Variants in OBSL1 observed in about 807,000 individuals in gnomAD.
The protein encoded by OBSL1 is obscurin like cytoskeletal adaptor 1, also known as obscurin-like protein 1.
A neutral mutation model predicts 172.0 loss-of-function variants in OBSL1; 160 were observed. The observed-to-expected ratio is 0.93, with a 90% CI of 0.82 to 1.06. The LOEUF is 1.06. Among genes scored for constraint, OBSL1 ranks in the 50% least tolerant of loss-of-function variants. The probability of loss-of-function intolerance (pLI) is 0.00; values close to 1 mark genes in which losing one functional copy is unlikely to be tolerated. For synonymous variants in OBSL1, 1,200 were observed against 1,196.3 expected, an observed-to-expected ratio of 1.00 and a Z score of -0.06; for missense variants, 2,681 against 2,715.4, an observed-to-expected ratio of 0.99 and a Z score of 0.28.
chr2:219,559,526 C>T, intron 8 of OBSL1, 29 bp from the exon 9 acceptor site: 1 of 1,593,430 alleles, frequency 6.3e-7, no homozygotes, highest in Non-Finnish European at 8.6e-7. Context: ...CACAGCCTGT[C>T]ACAAGCTCAC....
At chr2:219,557,725 G>A in intron 11 of OBSL1, 98 bp downstream of exon 11, 1 of 1,536,004 alleles carries the variant, frequency 6.5e-7, no homozygotes, top group East Asian at 2.3e-5. Flanking sequence ...GGCCAGGGAT[G>A]GGCAAGGCAT....
Position 219,568,386 on chromosome 2 carries a change from A to G in OBSL1, c.1013-62T>C, listed in dbSNP as rs1697089907. 1 of 1,486,628 alleles carries G rather than the reference A, an allele frequency of 6.7e-7. No homozygotes were observed. Among genetic ancestry groups the G allele is most frequent in the African/African-American group, 1.4e-5 (1 of 72,120 alleles). The allele number at this position is 1,486,628 out of a possible 1,614,324, so 92.1% of individuals were successfully genotyped here. A position where few individuals can be genotyped will look rare whatever the true frequency, so the allele number is the denominator to read the frequency against. Reference sequence around the variant, plus strand: ...GGAGAAGGCCCAGACTAGGAGTAGGATACCTAGAAGCGCATTAGCTCATGC... The same window carrying G: ...GGAGAAGGCCCAGACTAGGAGTAGGGTACCTAGAAGCGCATTAGCTCATGC... On this transcript the variant is annotated intron_variant, in intron 1 of 20. Transcript: ENST00000404537. The surrounding 1 kb of genome is among the most constrained non-coding windows in gnomAD (Gnocchi z 4.1).
Position 219,570,807 on chromosome 2 carries a change from C to A in OBSL1, c.426G>T (p.Gly142=), listed in dbSNP as rs764783588. 3.9e-5 allele frequency: 58 copies of A among 1,491,658 alleles called. 1 individual carries two copies. In the South Asian group the frequency reaches 7.1e-4, roughly 18 times the overall value. 92.4% of individuals were successfully genotyped at this position (1,491,658 alleles called of 1,614,324 possible). A position where few individuals can be genotyped will look rare whatever the true frequency, so the allele number is the denominator to read the frequency against. ...CCCGGCACGTCAGCACCACCTCCGCCCCCCGCAGCACCCACTGGGATCGAG... is the reference window on the plus strand; with the variant it reads ...CCCGGCACGTCAGCACCACCTCCGCACCCCGCAGCACCCACTGGGATCGAG... ...TGPRSQWVLR[G]AEVVLTCRAG... The change falls in exon 1 of 21, where the codon GGG becomes GGT. Residue 142 remains glycine, a synonymous_variant. Transcript: ENST00000404537.
At chr2:219,562,793 G>C in intron 7 of OBSL1, 119 bp from the exon 8 acceptor site, 6 of 1,084,412 alleles carry the variant, frequency 5.5e-6, no homozygotes, top group Non-Finnish European at 7.8e-6. Flanking sequence ...ACCTTCCTGA[G>C]ACCAAATCTC....
chr2:219,569,447 G>T (rs1249074987), intron 1 of OBSL1: 1 of 152,168 alleles, frequency 6.6e-6, no homozygotes, highest in Non-Finnish European at 1.5e-5. Context: ...TTACCTTCTG[G>T]TGAGTTTGGG....
intron 15 of OBSL1, 26 bp from the exon 16 acceptor site, chr2:219,553,712 G>C: frequency 6.5e-7 from 1 of 1,538,786 alleles, no homozygotes; most frequent in Non-Finnish European, 9.0e-7. Flanking sequence ...GGAGGACAGT[G>C]CAGAGGGAGC....
intron 14 of OBSL1, 164 bp downstream of exon 14, chr2:219,555,856 G>A: frequency 7.0e-7 from 1 of 1,430,934 alleles, no homozygotes; most frequent in Non-Finnish European, 9.2e-7. Flanking sequence ...AAAAATATTA[G>A]AAAAAGAAAA....
intron 5 of OBSL1, 108 bp from the exon 6 acceptor site, chr2:219,565,622 T>C: frequency 9.0e-7 from 1 of 1,110,642 alleles, no homozygotes; most frequent in South Asian, 1.5e-5. Flanking sequence ...AAAAATAGGC[T>C]TAGGCTTCCA....
In OBSL1 at chr2:219,556,041, G is replaced by A. The variant is rs201893489; in HGVS notation, c.4588C>T (p.Leu1530=). The change falls in exon 14 of 21, where the codon CTG becomes TTG. Residue 1530 remains leucine, a synonymous_variant. Coordinates refer to ENST00000404537, the MANE Select transcript of OBSL1 (RefSeq NM_015311.3). ...YGCESHHDRT[L]ARLSVRPRQL... ...TCACGCCTCACGCTGAGCCTGGCCA[G>A]GGTGCGATCGTGGTGGCTCTCGCAG... 822 of 1,613,638 alleles carry A rather than the reference G, an allele frequency of 5.1e-4. 6 individuals carry two copies. Among genetic ancestry groups the A allele is most frequent in the Middle Eastern group, 4.9e-3 (30 of 6,062 alleles).
chr2:219,551,340 G>C, intron 20 of OBSL1, 189 bp downstream of exon 20: 1 of 1,411,448 alleles, frequency 7.1e-7, no homozygotes, highest in South Asian at 1.6e-5. Context: ...CAGCTGATCT[G>C]AGCCAAGCAG....
chr2:219,565,595 C>A, intron 5 of OBSL1, 81 bp from the exon 6 acceptor site: 1 of 1,415,656 alleles, frequency 7.1e-7, no homozygotes, highest in Non-Finnish European at 9.7e-7. Context: ...GGAACAACTG[C>A]TGTTGTTGGG....
chr2:219,555,679 C>T, intron 14 of OBSL1: 1 of 1,111,522 alleles, frequency 9.0e-7, no homozygotes, highest in African/African-American at 1.6e-5. Flanking sequence ...GTGTGGGGTG[C>T]TGTTTGACAG....
In OBSL1 at chr2:219,567,980, G is replaced by A. The variant is rs748813895; in HGVS notation, c.1283-11C>T. ...GCTTCAGGATGGGCCCTGAGATGCG[G>A]ACAGGAATCCATCAACCTGGAATCT... On this transcript the variant is annotated splice_polypyrimidine_tract_variant and intron_variant, in intron 2 of 20. Transcript: ENST00000404537. The A allele has an allele frequency of 1.9e-6, 3 of 1,612,390 alleles. No homozygotes were observed. Among genetic ancestry groups the A allele is most frequent in the Admixed American group, 1.7e-5 (1 of 60,000 alleles).
At position 219,570,932 on chromosome 2, in the gene OBSL1, C is replaced by T. The variant is rs1697306176; in HGVS notation, c.301G>A (p.Val101Met). 1 of 1,283,588 alleles carries T rather than the reference C, an allele frequency of 7.8e-7. No homozygotes were observed. The highest frequency in any genetic ancestry group is 4.2e-5 in the Admixed American group (1 of 23,686). The allele number at this position is 1,283,588 out of a possible 1,614,324, so 79.5% of individuals were successfully genotyped here. A position where few individuals can be genotyped will look rare whatever the true frequency, so the allele number is the denominator to read the frequency against. Residue 101 changes from valine (V) to methionine (M), a missense_variant, in exon 1 of 21, where the codon GTG (valine) becomes ATG (methionine). This residue lies in a region of OBSL1 where 67 missense variants were observed against 109.3 expected (regional missense o/e 0.61). Transcript: ENST00000404537. Reference protein sequence around the residue: ...GEAYAAAAVTVLEPPASDPEL... With the variant: ...GEAYAAAAVTMLEPPASDPEL... ...GGGTCGGAGGCCGGCGGCTCCAGCACGGTGACGGCGGCCGCCGCGTAGGCC... is the reference window on the plus strand; with the variant it reads ...GGGTCGGAGGCCGGCGGCTCCAGCATGGTGACGGCGGCCGCCGCGTAGGCC...
At position 219,568,329 on chromosome 2, in the gene OBSL1, GGA is replaced by G; in HGVS notation, c.1013-7_1013-6del. The G allele has an allele frequency of 1.3e-6, 2 of 1,596,610 alleles. No individual in the cohort carries two copies. The highest frequency in any genetic ancestry group is 2.3e-5 in the East Asian group (1 of 44,370). On this transcript the variant is annotated splice_polypyrimidine_tract_variant and splice_region_variant and intron_variant, in intron 1 of 20. Coordinates refer to ENST00000404537, the MANE Select transcript of OBSL1 (RefSeq NM_015311.3). The surrounding 1 kb of genome is among the most constrained non-coding windows in gnomAD (Gnocchi z 4.1). ...GTGTGAACCGGAGGCGGGGCTCTGTGGAGAGGGGAGAGAGAGACAAGAGAGGG... is the reference window on the plus strand; with the variant it reads ...GTGTGAACCGGAGGCGGGGCTCTGTGGAGGGGAGAGAGAGACAAGAGAGGG...
At position 219,571,407 on chromosome 2, in the gene OBSL1, C is replaced by A; in HGVS notation, c.-175G>T. ...TCGCCTCCTTACCCTCGGCCCCGAG[C>A]TGCAGCTCTGCGGCGGCGGCGGCGG... is the stretch of plus-strand genomic sequence containing the variant. On this transcript the variant is annotated 5_prime_UTR_variant, in exon 1 of 21. Coordinates refer to ENST00000404537, the MANE Select transcript of OBSL1 (RefSeq NM_015311.3). The A allele has an allele frequency of 2.8e-6, 1 of 358,758 alleles. No individual in the cohort carries two copies. Among genetic ancestry groups the A allele is most frequent in the Non-Finnish European group, 4.8e-6 (1 of 206,460 alleles). 22.2% of individuals were successfully genotyped at this position (358,758 alleles called of 1,614,324 possible).
chr2:219,566,929 G>A lies in OBSL1; in HGVS notation c.2035C>T (p.His679Tyr). ...TTGACGGCATGCAGGATGAGTCTGT[G>A]CTGCAGACCCTTCTGCTCTATACGG... Reference protein sequence around the residue: ...RYRIEQKGLQHRLILHAVKHQ... With the variant: ...RYRIEQKGLQYRLILHAVKHQ... The change falls in exon 5 of 21, where the codon CAC becomes TAC. Residue 679 changes from histidine (H) to tyrosine (Y), a missense_variant. Physicochemically the swap from His to Tyr is moderately conservative, Grantham distance 83. Coordinates refer to ENST00000404537, the MANE Select transcript of OBSL1 (RefSeq NM_015311.3). 1 of 1,613,744 alleles carries A rather than the reference G, an allele frequency of 6.2e-7. No homozygotes were observed. Among genetic ancestry groups the A allele is most frequent in the Non-Finnish European group, 8.5e-7 (1 of 1,179,788 alleles).
chr2:219,563,118 G>C (rs1304267671), intron 7 of OBSL1: 1 of 529,812 alleles, frequency 1.9e-6, no homozygotes, highest in Non-Finnish European at 3.3e-6. Context: ...CCTTGGTACA[G>C]GTTTTCAGGA....
At chr2:219,547,783 T>C (rs768661639), downstream of OBSL1, 7 of 1,592,610 alleles carry the variant, frequency 4.4e-6, no homozygotes, top group Non-Finnish European at 5.1e-6. Context: ...CCGTGTGGGG[T>C]CCACTGGGGC....
Sources: gnomAD v4.1 joint callset for allele counts on GRCh38, gnomAD v4.1.1 for gene constraint, gnomAD v4.1.1 regional missense constraint, Gnocchi (gnomAD v3.1) non-coding constraint, MANE v1.5 for transcripts, NCBI Gene and HGNC (gene_info 2026-07-23, HGNC 2026-07-21) for gene names.